The following TPO variants were observed in gnomAD, a reference collection of about 807,000 sequenced individuals.
TPO encodes thyroid microsomal antigen.
In TPO, 78 loss-of-function variants were observed where a neutral mutation model predicts 96.9. That is an observed-to-expected ratio of 0.81 (90% CI 0.67 to 0.97). TPO has a LOEUF of 0.97. Among genes scored for constraint, TPO ranks in the 50% least tolerant of loss-of-function variants. The probability of loss-of-function intolerance (pLI) is 0.00; values close to 1 mark genes in which losing one functional copy is unlikely to be tolerated. For missense variants in TPO, 1,252 were observed against 1,274.8 expected, an observed-to-expected ratio of 0.98 and a Z score of 0.27; for synonymous variants, 547 against 538.0, an observed-to-expected ratio of 1.02 and a Z score of -0.23.
chr2:1,496,208 G>A lies in TPO; in HGVS notation c.2215+11G>A. Reference sequence around the variant, plus strand: ...AAACCTTTCCTCAAGGTGAAGTTCGGTCTCCTCTCACACCACGTTACAGCA... The same window carrying A: ...AAACCTTTCCTCAAGGTGAAGTTCGATCTCCTCTCACACCACGTTACAGCA... On this transcript the variant is annotated intron_variant, in intron 12 of 16. Coordinates refer to ENST00000329066, the MANE Select transcript of TPO (RefSeq NM_001206744.2). 6.2e-7 allele frequency: 1 copy of A among 1,613,162 alleles called. No homozygotes were observed. Among genetic ancestry groups the A allele is most frequent in the Non-Finnish European group, 8.5e-7 (1 of 1,179,726 alleles).
intron 8 of TPO, chr2:1,477,873 CCA>C: frequency 1.0e-6 from 1 of 985,430 alleles, no homozygotes; most frequent in Non-Finnish European, 1.2e-6. Flanking sequence ...CCCCTCTGTC[CCA>C]CCTGCTTACC....
At position 1,453,786 on chromosome 2, in the gene TPO, AC is replaced by A. The variant is rs1174597213; in HGVS notation, c.579del (p.Gly194AlafsTer15). On this transcript the variant is annotated frameshift_variant, in exon 6 of 17. Transcript: ENST00000329066. LOFTEE classifies it high-confidence loss of function. ...GGCTTCAGTCAGCCCCGAGGCTGGA[AC>A]CCCGGCTTCTTGTACAACGGGTTCC... ...EDGFSQPRGWNPGFLYNGFPL... is the reference protein window; with the variant it reads ...EDGFSQPRGWXPGFLYNGFPL... 6.2e-7 allele frequency: 1 copy of A among 1,613,780 alleles called. No homozygotes were observed. The highest frequency in any genetic ancestry group is 1.7e-5 in the Admixed American group (1 of 60,018).
At chr2:1,526,943 CA>C in intron 15 of TPO, among the ~76,000 whole-genome samples, 1 of 147,862 alleles carries the variant, frequency 6.8e-6, no homozygotes, top group Non-Finnish European at 1.5e-5. Context: ...GTGCAACCTC[CA>C]CAAATCCCCC....
intron 14 of TPO, among the ~76,000 whole-genome samples, chr2:1,508,651 A>G (rs1013830252): frequency 1.3e-5 from 2 of 152,152 alleles, no homozygotes; most frequent in African/African-American, 2.4e-5. Context: ...CATTTCTTCT[A>G]GATTTTCTAG....
At chr2:1,536,876 C>A in intron 15 of TPO, among the ~76,000 whole-genome samples, 1 of 140,424 alleles carries the variant, frequency 7.1e-6, no homozygotes. Flanking sequence ...CCCGAATACC[C>A]ACCACTCTGT....
At chr2:1,516,509 C>T (rs367852260) in intron 14 of TPO, among the ~76,000 whole-genome samples, 7 of 152,330 alleles carry the variant, frequency 4.6e-5, no homozygotes, top group South Asian at 4.1e-4. Flanking sequence ...CGCCCCGGTC[C>T]GAGGCCTCCA....
intron 1 of TPO, among the ~76,000 whole-genome samples, chr2:1,386,461 T>G (rs1310437747): frequency 1.3e-5 from 2 of 152,188 alleles, no homozygotes; most frequent in African/African-American, 2.4e-5. Context: ...TTTACCATTA[T>G]GTAATGGCCT....
intron 15 of TPO, among the ~76,000 whole-genome samples, chr2:1,519,535 G>A (rs532425567): frequency 6.6e-6 from 1 of 152,274 alleles, no homozygotes; most frequent in African/African-American, 2.4e-5. Flanking sequence ...GGTGTCTCTA[G>A]TTTTAGATGG....
chr2:1,448,131 C>T (rs778578427), intron 5 of TPO, among the ~76,000 whole-genome samples: 1 of 152,180 alleles, frequency 6.6e-6, no homozygotes, highest in South Asian at 2.1e-4. Flanking sequence ...GCAGGGGCTG[C>T]TCCTGCCTCC....
chr2:1,446,093 T>C (rs1037855843), intron 5 of TPO, among the ~76,000 whole-genome samples: 3 of 152,122 alleles, frequency 2.0e-5, no homozygotes. Context: ...TGGCCGAGTC[T>C]TCCATGGGCC....
intron 15 of TPO, among the ~76,000 whole-genome samples, chr2:1,536,847 C>T (rs1212127600): frequency 1.5e-5 from 2 of 137,668 alleles, no homozygotes; most frequent in Non-Finnish European, 3.1e-5. Flanking sequence ...CCCCAAATCC[C>T]GCCACTGTGT....
intron 5 of TPO, among the ~76,000 whole-genome samples, chr2:1,446,966 C>T (rs2090154): frequency 0.85 from 129,894 of 152,196 alleles, 55,710 homozygotes; most frequent in South Asian, 0.93. Context: ...CTGCAACATA[C>T]GAGGTGGCAA....
At chr2:1,534,753 C>A (rs1196223425) in intron 15 of TPO, among the ~76,000 whole-genome samples, 8 of 151,008 alleles carry the variant, frequency 5.3e-5, no homozygotes, top group African/African-American at 1.9e-4. Flanking sequence ...CCTCAAATCT[C>A]CCCCACTGTG....
intron 1 of TPO, among the ~76,000 whole-genome samples, chr2:1,389,010 A>G (rs959118230): frequency 6.6e-6 from 1 of 152,228 alleles, no homozygotes; most frequent in African/African-American, 2.4e-5. Flanking sequence ...TGAACAATTA[A>G]GAAGTTTTTT....
At chr2:1,422,078 C>G (rs1663609354) in intron 2 of TPO, among the ~76,000 whole-genome samples, 1 of 152,230 alleles carries the variant, frequency 6.6e-6, no homozygotes. Context: ...ACCCTCTGCC[C>G]CAAGTGCTTA....
At chr2:1,532,284 C>G (rs1432332405) in intron 15 of TPO, among the ~76,000 whole-genome samples, 1 of 67,168 alleles carries the variant, frequency 1.5e-5, no homozygotes, top group Non-Finnish European at 3.0e-5. Context: ...TCCTCAAGTC[C>G]CCCACTGTGT....
chr2:1,413,826 A>G, intron 1 of TPO: 1 of 764,002 alleles, frequency 1.3e-6, no homozygotes, highest in Non-Finnish European at 1.6e-6. Context: ...TAGTGGCTCA[A>G]AAATAGCCAC....
chr2:1,387,859 T>C (rs922059964), intron 1 of TPO, among the ~76,000 whole-genome samples: 1 of 152,212 alleles, frequency 6.6e-6, no homozygotes, highest in African/African-American at 2.4e-5. Flanking sequence ...CTTTGGTCTT[T>C]GATGATGGTG....
intron 7 of TPO, 76 bp downstream of exon 7, chr2:1,456,358 A>G: frequency 6.8e-7 from 1 of 1,479,858 alleles, no homozygotes; most frequent in Non-Finnish European, 9.3e-7. Flanking sequence ...ATGGTATAAA[A>G]CAAAATGTGA....
Sources: gnomAD v4.1 joint callset for allele counts (sites outside exome capture counted in the v4.1 genomes callset) on GRCh38, gnomAD v4.1.1 for gene constraint, MANE v1.5 for transcripts, NCBI Gene and HGNC (gene_info 2026-07-23, HGNC 2026-07-21) for gene names.